Variants in CCDC62 observed in about 807,000 individuals in gnomAD.
The protein encoded by CCDC62 is coiled-coil domain-containing protein 62.
In CCDC62, 72 loss-of-function variants were observed where a neutral mutation model predicts 80.8. The observed-to-expected ratio is 0.89, with a 90% confidence interval of 0.74 to 1.08. The LOEUF is 1.08. Among genes scored for constraint, CCDC62 ranks in the 50% least tolerant of loss-of-function variants. CCDC62 has a pLI of 0.00. For missense variants in CCDC62, 704 were observed against 809.4 expected, an observed-to-expected ratio of 0.87 and a Z score of 1.58; for synonymous variants, 286 against 296.5, an observed-to-expected ratio of 0.96 and a Z score of 0.36.
At chr12:122,820,880 G>T (rs983640898) in intron 11 of CCDC62, among the ~76,000 whole-genome samples, 3 of 150,970 alleles carry the variant, frequency 2.0e-5, no homozygotes, top group Non-Finnish European at 2.9e-5. Flanking sequence ...AAATACATGG[G>T]CAATTTGCAT....
chr12:122,778,923 C>T (rs747154711), intron 2 of CCDC62, among the ~76,000 whole-genome samples: 6 of 152,036 alleles, frequency 3.9e-5, no homozygotes, highest in Non-Finnish European at 7.4e-5. Flanking sequence ...ATGATTTTTT[C>T]GTTTCTTTGA....
In CCDC62 at chr12:122,786,428, G is replaced by T. The variant is rs141988999; in HGVS notation, c.498+608G>T. On this transcript the variant is annotated intron_variant, in intron 4 of 12. Transcript: ENST00000253079. Reference sequence around the variant, plus strand: ...CTCCCAAAGTGCTGGGATTACAGGCGTGAGCCACCGCGCTCAGCCAGAGGT... The same window carrying T: ...CTCCCAAAGTGCTGGGATTACAGGCTTGAGCCACCGCGCTCAGCCAGAGGT... Among the ~76,000 whole-genome samples the T allele has an allele frequency of 4.7e-4, 71 of 151,090 alleles. No individual in the cohort carries two copies. In the Middle Eastern group the frequency reaches 0.014, roughly 29 times the overall value.
chr12:122,825,248 T>C (rs940672341), intron 12 of CCDC62, among the ~76,000 whole-genome samples: 3 of 149,950 alleles, frequency 2.0e-5, no homozygotes, highest in African/African-American at 7.3e-5. Flanking sequence ...CAATCTCAGC[T>C]CACTGCAACC....
At chr12:122,775,093 CAAA>C (rs36059141) in intron 1 of CCDC62, among the ~76,000 whole-genome samples, 6 of 60,512 alleles carry the variant, frequency 9.9e-5, no homozygotes, top group Admixed American at 2.5e-4. Flanking sequence ...GACTCCGTCT[CAAA>C]AAAAAAAAAA....
chr12:122,785,211 G>A (rs79095539), intron 3 of CCDC62, among the ~76,000 whole-genome samples: 9,618 of 152,148 alleles, frequency 0.063, 1,057 homozygotes, highest in African/African-American at 0.22. Flanking sequence ...AATTATATCC[G>A]ACATAGCACT....
In CCDC62 at chr12:122,813,307, C is replaced by T. The variant is rs779657244; in HGVS notation, c.1889C>T (p.Pro630Leu). The T allele has an allele frequency of 1.2e-6, 2 of 1,613,402 alleles. No individual in the cohort carries two copies. Among genetic ancestry groups the T allele is most frequent in the Non-Finnish European group, 8.5e-7 (1 of 1,179,634 alleles). ...TTACCCTCCCAGGATGATTTCTCGCCCACGAGCAAGCTCCAGCGTTTGCTG... is the reference window on the plus strand; with the variant it reads ...TTACCCTCCCAGGATGATTTCTCGCTCACGAGCAAGCTCCAGCGTTTGCTG... ...IVLPSQDDFS[P>L]TSKLQRLLAE... The change falls in exon 11 of 13, where the codon CCC (proline) becomes CTC (leucine). Residue 630 changes from proline (P) to leucine (L), a missense_variant. Pro to Leu is a moderately conservative substitution (Grantham distance 98). Coordinates refer to ENST00000253079, the MANE Select transcript of CCDC62 (RefSeq NM_201435.5).
At chr12:122,809,539 A>C (rs1424362703) in intron 10 of CCDC62, among the ~76,000 whole-genome samples, 3 of 152,138 alleles carry the variant, frequency 2.0e-5, no homozygotes, top group Non-Finnish European at 4.4e-5. Context: ...TAATCCCAGC[A>C]CTTTGGGAGG....
In CCDC62 at chr12:122,797,406, AATC is replaced by A. The variant is rs753775632; in HGVS notation, c.861+15_861+17del. ...CACAATCTGAGACAGGTATGTCCCC[AATC>A]ATCCTTCTCTGTCACATAAGAAATG... On this transcript the variant is annotated intron_variant, in intron 7 of 12. Coordinates refer to ENST00000253079, the MANE Select transcript of CCDC62 (RefSeq NM_201435.5). The A allele has an allele frequency of 1.3e-5, 19 of 1,477,842 alleles. No individual in the cohort carries two copies. Among genetic ancestry groups the A allele is most frequent in the Non-Finnish European group, 1.8e-5 (19 of 1,057,888 alleles). 91.5% of individuals were successfully genotyped at this position (1,477,842 alleles called of 1,614,324 possible). A position where few individuals can be genotyped will look rare whatever the true frequency, so the allele number is the denominator to read the frequency against.
intron 10 of CCDC62, among the ~76,000 whole-genome samples, chr12:122,806,663 A>G (rs977246076): frequency 1.3e-5 from 2 of 151,688 alleles, no homozygotes; most frequent in Non-Finnish European, 2.9e-5. Flanking sequence ...ATTTTTTTGT[A>G]GAGACAGGGT....
chr12:122,803,086 C>T (rs1467421049), intron 9 of CCDC62, among the ~76,000 whole-genome samples: 3 of 151,796 alleles, frequency 2.0e-5, no homozygotes, highest in Non-Finnish European at 4.4e-5. Context: ...CACGATATTG[C>T]CCAGGCTGGT....
intron 8 of CCDC62, among the ~76,000 whole-genome samples, chr12:122,798,593 TTC>T (rs1474505298): frequency 7.0e-6 from 1 of 143,384 alleles, no homozygotes; most frequent in East Asian, 2.1e-4. Flanking sequence ...CAGAGCAAGA[TTC>T]TGTTTCAAAA....
intron 10 of CCDC62, among the ~76,000 whole-genome samples, chr12:122,809,153 C>T (rs538912766): frequency 1.6e-4 from 24 of 152,346 alleles, no homozygotes; most frequent in South Asian, 6.2e-4. Flanking sequence ...TTAATTACTT[C>T]TCCAGATTTA....
At chr12:122,784,000 G>T (rs2030050658) in intron 3 of CCDC62, among the ~76,000 whole-genome samples, 1 of 152,072 alleles carries the variant, frequency 6.6e-6, no homozygotes, top group East Asian at 1.9e-4. Flanking sequence ...CTATATTATA[G>T]TATGTACAGA....
chr12:122,786,884 T>C (rs1593788337), intron 4 of CCDC62, among the ~76,000 whole-genome samples: 1 of 151,606 alleles, frequency 6.6e-6, no homozygotes, highest in Non-Finnish European at 1.5e-5. Flanking sequence ...GGCATGAACC[T>C]GGGAGGCGGA....
intron 4 of CCDC62, among the ~76,000 whole-genome samples, chr12:122,788,362 A>T (rs1320403350): frequency 6.6e-6 from 1 of 152,194 alleles, no homozygotes; most frequent in Non-Finnish European, 1.5e-5. Context: ...TATAATCCAG[A>T]GGACGATTTT....
chr12:122,801,607 A>G lies in CCDC62; in HGVS notation c.1461A>G (p.Gln487=), dbSNP rs201037164. ...CAGAAAAGCTGGATGTAGAATGTCAAGATCAGATGGAAAGGTCCGAAATCT... is the reference window on the plus strand; with the variant it reads ...CAGAAAAGCTGGATGTAGAATGTCAGGATCAGATGGAAAGGTCCGAAATCT... ...KHPEKLDVEC[Q]DQMERSEISC... The change falls in exon 9 of 13, where the codon CAA becomes CAG. Residue 487 remains glutamine (Q), a synonymous_variant. Coordinates refer to ENST00000253079, the MANE Select transcript of CCDC62 (RefSeq NM_201435.5). The G allele has an allele frequency of 2.7e-5, 43 of 1,614,196 alleles. No homozygotes were observed. Among genetic ancestry groups the G allele is most frequent in the South Asian group, 1.2e-4 (11 of 91,078 alleles).
chr12:122,790,345 C>T (rs1334133778), intron 5 of CCDC62, among the ~76,000 whole-genome samples: 14 of 106,800 alleles, frequency 1.3e-4, no homozygotes, highest in African/African-American at 4.9e-4. Flanking sequence ...CCACCACACC[C>T]AGCTTAAAAC....
chr12:122,775,744 C>G (rs1028659936), intron 1 of CCDC62, among the ~76,000 whole-genome samples: 34 of 152,180 alleles, frequency 2.2e-4, no homozygotes, highest in African/African-American at 7.0e-4. Flanking sequence ...TCCCAAATAG[C>G]TGGGACTACA....
intron 11 of CCDC62, among the ~76,000 whole-genome samples, chr12:122,817,616 G>C (rs1447232025): frequency 6.6e-6 from 1 of 152,120 alleles, no homozygotes; most frequent in Admixed American, 6.6e-5. Flanking sequence ...GAGCCACTAT[G>C]CCTGGCCCAA....
Sources: gnomAD v4.1 joint callset for allele counts (sites outside exome capture counted in the v4.1 genomes callset) on GRCh38, gnomAD v4.1.1 for gene constraint, MANE v1.5 for transcripts, NCBI Gene and HGNC (gene_info 2026-07-23, HGNC 2026-07-21) for gene names.